The following DOCK5 variants were observed in gnomAD, a reference collection of about 807,000 sequenced individuals.
DOCK5 encodes dedicator of cytokinesis protein 5.
Under a neutral mutation model 251.8 loss-of-function variants are expected in DOCK5, and 142 were observed. The observed-to-expected ratio is 0.56, with a 90% CI of 0.49 to 0.65. The LOEUF is 0.65. Ranked by LOEUF, DOCK5 falls within the 30% of genes least tolerant of loss-of-function variation. DOCK5 has a pLI of 0.00. For synonymous variants in DOCK5, 842 were observed against 835.5 expected (o/e 1.01, Z -0.13); for missense variants, 2,111 against 2,312.3 (o/e 0.91, Z 1.79).
chr8:25,308,100 C>A (rs1043451427), intron 11 of DOCK5, among the ~76,000 whole-genome samples: 4 of 152,104 alleles, frequency 2.6e-5, no homozygotes, highest in African/African-American at 9.7e-5. Flanking sequence ...TGTACTGCAC[C>A]AGGCCGATGT....
rs35469697 is a variant in DOCK5, at chr8:25,377,910, C to CTT, written c.3936+499_3936+500dup. Among the ~76,000 whole-genome samples the CTT allele has an allele frequency of 5.2e-3, 742 of 142,486 alleles. 9 individuals are homozygous for CTT. The highest frequency in any genetic ancestry group is 0.016 in the African/African-American group (607 of 38,800). The allele number at this position is 142,486 out of a possible 152,430, so 93.5% of individuals were successfully genotyped here. On this transcript the variant is annotated intron_variant, in intron 38 of 51. Coordinates refer to ENST00000276440, the MANE Select transcript of DOCK5 (RefSeq NM_024940.8). ...GTGTACAGAGTTTTTATTGGGGTTT[C>CTT]TTTTTTTTTTTTTTGGTAAATATGG...
chr8:25,315,558 G>A (rs148465803), intron 13 of DOCK5, among the ~76,000 whole-genome samples: 4,601 of 152,290 alleles, frequency 0.03, 111 homozygotes, highest in Non-Finnish European at 0.044. Context: ...CCTCCATTAC[G>A]TGATTATACC....
At chr8:25,383,179 A>G (rs1003080316) in intron 40 of DOCK5, among the ~76,000 whole-genome samples, 1 of 152,218 alleles carries the variant, frequency 6.6e-6, no homozygotes, top group Non-Finnish European at 1.5e-5. Context: ...TTTTATTATA[A>G]TAATAATGAC....
chr8:25,271,668 A>G (rs1160735550), intron 3 of DOCK5, among the ~76,000 whole-genome samples: 2 of 152,222 alleles, frequency 1.3e-5, no homozygotes, highest in Non-Finnish European at 2.9e-5. Context: ...TCCGAAACTG[A>G]TTATTGATCC....
chr8:25,218,499 G>T (rs1299124154), intron 1 of DOCK5, among the ~76,000 whole-genome samples: 4 of 152,196 alleles, frequency 2.6e-5, no homozygotes, highest in South Asian at 4.1e-4. Context: ...GGGACAGCTG[G>T]ATTGTTACAA....
chr8:25,324,261 C>G (rs984687742), intron 17 of DOCK5, among the ~76,000 whole-genome samples: 7 of 152,194 alleles, frequency 4.6e-5, no homozygotes, highest in African/African-American at 1.7e-4. Flanking sequence ...CTCTCATGAT[C>G]TGCTCTTTTC....
intron 14 of DOCK5, chr8:25,317,457 C>T (rs1334571131): frequency 4.8e-6 from 1 of 206,780 alleles, no homozygotes; most frequent in African/African-American, 2.3e-5. Context: ...ATCAGTTCCT[C>T]TTAGGCTTGA....
intron 1 of DOCK5, among the ~76,000 whole-genome samples, chr8:25,194,931 T>C (rs1253697836): frequency 3.9e-5 from 6 of 152,068 alleles, no homozygotes; most frequent in Non-Finnish European, 7.4e-5. Context: ...TTTTTTTTTT[T>C]TCTTTTGGGG....
At chr8:25,225,419 A>C (rs1802502941) in intron 1 of DOCK5, among the ~76,000 whole-genome samples, 1 of 152,128 alleles carries the variant, frequency 6.6e-6, no homozygotes, top group South Asian at 2.1e-4. Flanking sequence ...CTTAAAAAGG[A>C]AGGAAATTCT....
At chr8:25,191,844 A>G (rs1801589437) in intron 1 of DOCK5, among the ~76,000 whole-genome samples, 2 of 152,068 alleles carry the variant, frequency 1.3e-5, no homozygotes, top group African/African-American at 4.8e-5. Flanking sequence ...ATATGTATAC[A>G]TGTGCCATTG....
intron 25 of DOCK5, 38 bp from the exon 26 acceptor site, chr8:25,345,437 C>T (rs771486996): frequency 1.2e-6 from 2 of 1,608,892 alleles, no homozygotes; most frequent in African/African-American, 2.7e-5. Context: ...CAGGAGGTGG[C>T]ACTGCTGTGT....
Position 25,410,299 on chromosome 8 carries a change from T to C in DOCK5, c.5508+97T>C. On this transcript the variant is annotated intron_variant, in intron 51 of 51. Coordinates refer to ENST00000276440, the MANE Select transcript of DOCK5 (RefSeq NM_024940.8). ...GCTCTTTAGTGGGCAGGTTTGCTCA[T>C]AGACCTGTCACTGCAGTCGATTCTT... The C allele has an allele frequency of 1.1e-5, 11 of 1,012,312 alleles. No individual in the cohort carries two copies. The East Asian group carries it at 2.1e-4, about 19-fold the overall frequency. The allele number at this position is 1,012,312 out of a possible 1,614,324, so 62.7% of individuals were successfully genotyped here.
At chr8:25,218,310 G>C (rs960838627) in intron 1 of DOCK5, among the ~76,000 whole-genome samples, 1 of 152,202 alleles carries the variant, frequency 6.6e-6, no homozygotes, top group Non-Finnish European at 1.5e-5. Context: ...CCTCAGGTTG[G>C]TCACACAGGC....
intron 1 of DOCK5, among the ~76,000 whole-genome samples, chr8:25,196,591 G>A (rs1194409033): frequency 6.6e-6 from 1 of 152,202 alleles, no homozygotes; most frequent in Non-Finnish European, 1.5e-5. Flanking sequence ...TAGCTGTCAT[G>A]TAGCCATCTT....
At chr8:25,234,617 C>T (rs1802749182) in intron 1 of DOCK5, among the ~76,000 whole-genome samples, 1 of 152,174 alleles carries the variant, frequency 6.6e-6, no homozygotes, top group South Asian at 2.1e-4. Context: ...ATATTATATA[C>T]AGCCTGAGGG....
rs543236183 is a variant in DOCK5, at chr8:25,415,498, C to G, written c.*4200C>G. 6.6e-6 allele frequency: 1 copy of G among 152,298 alleles called. No individual in the cohort carries two copies. The highest frequency in any genetic ancestry group is 2.4e-5 in the African/African-American group (1 of 41,572). The allele number at this position is 152,298 out of a possible 1,614,324, so 9.4% of individuals were successfully genotyped here. ...TCTGACGCCTAGGATCTAGCCAAGG[C>G]TGGTCTGCAGTATCAGATGTCCAAA... On this transcript the variant is annotated 3_prime_UTR_variant, in exon 52 of 52. Coordinates refer to ENST00000276440, the MANE Select transcript of DOCK5 (RefSeq NM_024940.8).
intron 2 of DOCK5, 33 bp downstream of exon 2, chr8:25,243,790 C>G: frequency 6.2e-7 from 1 of 1,600,076 alleles, no homozygotes; most frequent in South Asian, 1.1e-5. Context: ...CAGATGAGGG[C>G]AAGGGAAAAA....
chr8:25,258,829 A>G lies in DOCK5; in HGVS notation c.128-10016A>G, dbSNP rs762438879. Among the ~76,000 whole-genome samples the G allele has an allele frequency of 2.8e-4, 42 of 152,192 alleles. 1 individual carries two copies. Among genetic ancestry groups the G allele is most frequent in the Non-Finnish European group, 5.0e-4 (34 of 68,046 alleles). The stretch of plus-strand genomic sequence containing the variant: ...GTTCCCTGTTTTGATCATTAAAAAA[A>G]TTAAATAGACCGGACACAGTGGCTC... On this transcript the variant is annotated intron_variant, in intron 2 of 51. Coordinates refer to ENST00000276440, the MANE Select transcript of DOCK5 (RefSeq NM_024940.8).
chr8:25,367,042 G>C (rs758778567), intron 31 of DOCK5, 72 bp downstream of exon 31: 5 of 1,350,466 alleles, frequency 3.7e-6, no homozygotes, highest in Non-Finnish European at 4.2e-6. Context: ...CAATATTTTA[G>C]GTATCACAGA....
Sources: gnomAD v4.1 joint callset for allele counts (sites outside exome capture counted in the v4.1 genomes callset) on GRCh38, gnomAD v4.1.1 for gene constraint, MANE v1.5 for transcripts, NCBI Gene and HGNC (gene_info 2026-07-23, HGNC 2026-07-21) for gene names.